Variants in PRKN observed in about 807,000 individuals in gnomAD.
PRKN encodes the protein parkin RBR E3 ubiquitin protein ligase, also known as E3 ubiquitin-protein ligase parkin.
In PRKN, 56 loss-of-function variants were observed where a neutral mutation model predicts 59.5. That is an observed-to-expected ratio of 0.94 (90% CI 0.76 to 1.18). The LOEUF (loss-of-function observed/expected upper bound fraction) is 1.18, where lower values mean the gene tolerates loss of function less well. Among genes scored for constraint, PRKN ranks in the 50% most tolerant of loss-of-function variants. The pLI is 0.00. For synonymous variants in PRKN, 250 were observed against 222.1 expected (o/e 1.13, Z -1.12); for missense variants, 657 against 596.4 (o/e 1.10, Z -1.06).
chr6:162,544,220 C>T (rs1349235536), intron 1 of PRKN, among the ~76,000 whole-genome samples: 1 of 152,116 alleles, frequency 6.6e-6, no homozygotes, highest in Non-Finnish European at 1.5e-5. Flanking sequence ...ATAAGATGCT[C>T]ATAAAATAAC....
At chr6:161,900,067 T>C (rs986833716) in intron 6 of PRKN, among the ~76,000 whole-genome samples, 4 of 151,956 alleles carry the variant, frequency 2.6e-5, no homozygotes, top group African/African-American at 4.8e-5. Context: ...GCTGAGATCA[T>C]GCCACTTCAC....
chr6:162,276,160 C>G (rs1483632623), intron 2 of PRKN, among the ~76,000 whole-genome samples: 1 of 152,172 alleles, frequency 6.6e-6, no homozygotes, highest in African/African-American at 2.4e-5. Flanking sequence ...CGAGTTCAAT[C>G]TGATATTTCC....
At chr6:162,439,578 T>C (rs1373710254) in intron 2 of PRKN, among the ~76,000 whole-genome samples, 2 of 152,124 alleles carry the variant, frequency 1.3e-5, no homozygotes. Flanking sequence ...CCTAAGCTTG[T>C]ACAGCGGACC....
chr6:162,521,776 G>A (rs992544871), intron 1 of PRKN, among the ~76,000 whole-genome samples: 4 of 152,000 alleles, frequency 2.6e-5, no homozygotes, highest in African/African-American at 4.8e-5. Flanking sequence ...TATGGTTTAA[G>A]CACAAAATAT....
Position 161,446,926 on chromosome 6 carries a change from A to G in PRKN, c.1084-60049T>C. On this transcript the variant is annotated intron_variant, in intron 9 of 11. Transcript: ENST00000366898. This position sits in a 1 kb window ranked among gnomAD's most constrained non-coding sequence, Gnocchi z 6.2. ...ATATCCCTACATTCAGTTAAAAGCT[A>G]CTCTGTACCCCAGGACATGGGAGCA... Among the ~76,000 whole-genome samples, 1 of 152,078 alleles carries G rather than the reference A, an allele frequency of 6.6e-6. No homozygotes were observed. Among genetic ancestry groups the G allele is most frequent in the African/African-American group, 2.4e-5 (1 of 41,412 alleles).
chr6:162,642,620 G>A (rs1778004861), intron 1 of PRKN, among the ~76,000 whole-genome samples: 1 of 151,838 alleles, frequency 6.6e-6, no homozygotes, highest in South Asian at 2.1e-4. Context: ...AAGTATAGTA[G>A]TGTCGAAAAC....
At chr6:162,659,912 T>C (rs1324671719) in intron 1 of PRKN, among the ~76,000 whole-genome samples, 1 of 152,132 alleles carries the variant, frequency 6.6e-6, no homozygotes, top group East Asian at 1.9e-4. Context: ...AAGAAAACAT[T>C]TTCATCTAAA....
At chr6:162,302,038 C>A (rs1781984631) in intron 2 of PRKN, among the ~76,000 whole-genome samples, 1 of 152,138 alleles carries the variant, frequency 6.6e-6, no homozygotes, top group African/African-American at 2.4e-5. Context: ...TTGCATTAAT[C>A]AATGGTTTGA....
At chr6:161,726,241 A>G (rs1009582294) in intron 7 of PRKN, among the ~76,000 whole-genome samples, 2 of 152,222 alleles carry the variant, frequency 1.3e-5, no homozygotes, top group African/African-American at 2.4e-5. Flanking sequence ...AAGATGTGTC[A>G]TATCATTCAA....
intron 1 of PRKN, among the ~76,000 whole-genome samples, chr6:162,585,492 G>A (rs962675264): frequency 6.6e-6 from 1 of 152,070 alleles, no homozygotes; most frequent in Admixed American, 6.6e-5. Context: ...ATTATCTCAA[G>A]GGTAATGCAG....
rs1430494289 is a variant in PRKN, at chr6:162,727,727, A to T, written c.-59T>A. On this transcript the variant is annotated 5_prime_UTR_variant, in exon 1 of 12. Transcript: ENST00000366898. ...ACAGGCCCATGCGCGCAGCGGCGCC[A>T]GCCGCGCCTCCCACCAGCGGCTCTC... 1 of 1,535,136 alleles carries T rather than the reference A, an allele frequency of 6.5e-7. No homozygotes were observed. Among genetic ancestry groups the T allele is most frequent in the Non-Finnish European group, 8.8e-7 (1 of 1,133,734 alleles).
chr6:161,724,928 C>G (rs1311603303), intron 7 of PRKN, among the ~76,000 whole-genome samples: 1 of 152,194 alleles, frequency 6.6e-6, no homozygotes, highest in African/African-American at 2.4e-5. Context: ...GCTGTCTTCA[C>G]AAATAGTGAG....
intron 1 of PRKN, among the ~76,000 whole-genome samples, chr6:162,454,525 G>C (rs1209573496): frequency 6.6e-6 from 1 of 152,140 alleles, no homozygotes; most frequent in African/African-American, 2.4e-5. Flanking sequence ...AAAGTGGCTT[G>C]CCCAAACTTC....
rs1002919495 is a variant in PRKN at position 161,554,564 on chromosome 6, T to C, written c.934-5561A>G. Among the ~76,000 whole-genome samples, 9 of 152,042 alleles carry C rather than the reference T, an allele frequency of 5.9e-5. No homozygotes were observed. Among genetic ancestry groups the C allele is most frequent in the African/African-American group, 2.2e-4 (9 of 41,386 alleles). ...GAAATACAGTCACTGAGTTCTTCCATAGTAACAGTTTATTTAGGGCTTTTA... is the reference window on the plus strand; with the variant it reads ...GAAATACAGTCACTGAGTTCTTCCACAGTAACAGTTTATTTAGGGCTTTTA... On this transcript the variant is annotated intron_variant, in intron 8 of 11. Coordinates refer to ENST00000366898, the MANE Select transcript of PRKN (RefSeq NM_004562.3). This position sits in a 1 kb window ranked among gnomAD's most constrained non-coding sequence, Gnocchi z 4.5.
chr6:162,431,342 T>C (rs1789519380), intron 2 of PRKN, among the ~76,000 whole-genome samples: 1 of 152,194 alleles, frequency 6.6e-6, no homozygotes, highest in Admixed American at 6.5e-5. Context: ...GAGGGGCCAA[T>C]GTGATACGCG....
intron 7 of PRKN, among the ~76,000 whole-genome samples, chr6:161,762,080 A>T (rs1789226876): frequency 6.6e-6 from 1 of 152,176 alleles, no homozygotes; most frequent in African/African-American, 2.4e-5. Flanking sequence ...GGGCTGAAAA[A>T]ACAACAGGCA....
At chr6:162,097,541 G>A (rs1402931878) in intron 4 of PRKN, among the ~76,000 whole-genome samples, 1 of 152,158 alleles carries the variant, frequency 6.6e-6, no homozygotes, top group Non-Finnish European at 1.5e-5. Flanking sequence ...AATAAATTTT[G>A]CCTGCTGAAT....
chr6:161,612,718 CAAAA>C (rs57084261), intron 7 of PRKN, among the ~76,000 whole-genome samples: 2 of 59,628 alleles, frequency 3.4e-5, no homozygotes, highest in African/African-American at 6.7e-5. Context: ...GACTCCATCT[CAAAA>C]AAAAAAAAAA....
rs78815915 is a variant in PRKN, at chr6:162,248,498, G to A, written c.412+14027C>T. On this transcript the variant is annotated intron_variant, in intron 3 of 11. Coordinates refer to ENST00000366898, the MANE Select transcript of PRKN (RefSeq NM_004562.3). ...ACAGGCCTGGGGTTGTATCTTCAGCGTATACTCCTGTTTCCAGACTTCTCA... is the reference window on the plus strand; with the variant it reads ...ACAGGCCTGGGGTTGTATCTTCAGCATATACTCCTGTTTCCAGACTTCTCA... Among the ~76,000 whole-genome samples, 146 of 152,166 alleles carry A rather than the reference G, an allele frequency of 9.6e-4. 3 individuals carry two copies. In the East Asian group the frequency reaches 0.023, roughly 24 times the overall value.
Sources: allele counts gnomAD v4.1 joint callset (sites outside exome capture counted in the v4.1 genomes callset), GRCh38; gene constraint gnomAD v4.1.1; non-coding constraint Gnocchi (gnomAD v3.1); transcripts MANE v1.5; gene names NCBI Gene and HGNC (gene_info 2026-07-23, HGNC 2026-07-21).